The following PRIM2 variants were observed in gnomAD, a reference collection of about 807,000 sequenced individuals.
The protein encoded by PRIM2 is DNA primase subunit 2.
PRIM2 carries 39 observed loss-of-function variants against 67.3 expected under a neutral mutation model. The ratio of observed to expected loss-of-function variants is 0.58; its 90% CI spans 0.45 to 0.76. PRIM2 has a LOEUF of 0.76. Ranked by LOEUF, PRIM2 falls within the 30% of genes least tolerant of loss-of-function variation. The pLI is 0.00. For missense variants in PRIM2, 398 were observed against 598.7 expected (o/e 0.66, Z 3.50); for synonymous variants, 143 against 198.7 (o/e 0.72, Z 2.36).
intron 7 of PRIM2, among the ~76,000 whole-genome samples, chr6:57,389,315 A>T (rs1158396038): frequency 6.6e-6 from 1 of 152,054 alleles, no homozygotes; most frequent in Non-Finnish European, 1.5e-5. Flanking sequence ...GGATATCCCT[A>T]TGTTGCCTGG....
At chr6:57,484,146 T>C (rs1562773389) in intron 7 of PRIM2, among the ~76,000 whole-genome samples, 1 of 152,242 alleles carries the variant, frequency 6.6e-6, no homozygotes, top group East Asian at 1.9e-4. Flanking sequence ...TACTTTATTC[T>C]GCTTATTCAC....
chr6:57,311,597 C>G (rs11962881), upstream of PRIM2, among the ~76,000 whole-genome samples: 35,081 of 152,010 alleles, frequency 0.23, 4,447 homozygotes, highest in East Asian at 0.46. Context: ...GGTGGCCAGG[C>G]AGAGACGCTG....
intron 10 of PRIM2, among the ~76,000 whole-genome samples, chr6:57,556,075 A>C (rs1173078113): frequency 9.4e-4 from 144 of 152,404 alleles, no homozygotes; most frequent in Non-Finnish European, 1.8e-3. Flanking sequence ...ACTTAGGAAT[A>C]CAGCTAACAA....
At chr6:57,258,045 T>C in the PRIM2 span, among the ~76,000 whole-genome samples, 3 of 152,310 alleles carry the variant, frequency 2.0e-5, no homozygotes, top group Admixed American at 6.5e-5. Context: ...GAATGCACTG[T>C]TTTCCTTTTT....
the PRIM2 span, among the ~76,000 whole-genome samples, chr6:57,236,831 T>C: frequency 6.6e-6 from 1 of 152,226 alleles, no homozygotes; most frequent in Non-Finnish European, 1.5e-5. Flanking sequence ...GACATTTGGG[T>C]TGGTTCCAAG....
At chr6:57,511,633 A>G (rs1403031202) in intron 8 of PRIM2, among the ~76,000 whole-genome samples, 5 of 152,072 alleles carry the variant, frequency 3.3e-5, no homozygotes, top group African/African-American at 4.8e-5. Flanking sequence ...ACTGAAATTT[A>G]TTCTTTTTTT....
Position 57,521,828 on chromosome 6 carries a change from G to T in PRIM2, c.762-10583G>T, listed in dbSNP as rs1554348949. On this transcript the variant is annotated intron_variant, in intron 8 of 13. Coordinates refer to ENST00000615550, the MANE Select transcript of PRIM2 (RefSeq NM_000947.5). ...TTTTATATGTTATTGTTTTATGAACGTCAGAAACTCTGTCTGCTGGTGGGG... is the reference window on the plus strand; with the variant it reads ...TTTTATATGTTATTGTTTTATGAACTTCAGAAACTCTGTCTGCTGGTGGGG... 1.3e-3 allele frequency among the ~76,000 whole-genome samples: 193 copies of T among 152,234 alleles called. 5 individuals carry two copies. In the East Asian group the frequency reaches 0.016, roughly 12 times the overall value.
chr6:57,480,701 T>C (rs1272048022), intron 7 of PRIM2, among the ~76,000 whole-genome samples: 2 of 152,204 alleles, frequency 1.3e-5, no homozygotes, highest in African/African-American at 4.8e-5. Flanking sequence ...CGATCTCCGC[T>C]CACTGCAACC....
chr6:57,629,703 C>G (rs1436119762), intron 12 of PRIM2, among the ~76,000 whole-genome samples: 2 of 148,908 alleles, frequency 1.3e-5, no homozygotes, highest in African/African-American at 5.0e-5. Flanking sequence ...CCTTTCCAAT[C>G]TGTTCCCAGC....
In PRIM2 at chr6:57,390,571, CTGT is replaced by C. The variant is rs972223102; in HGVS notation, c.693+8408_693+8410del. 1.8e-3 allele frequency among the ~76,000 whole-genome samples: 280 copies of C among 152,186 alleles called. 5 individuals carry two copies. Among genetic ancestry groups the C allele is most frequent in the Non-Finnish European group, 2.1e-3 (146 of 67,992 alleles). On this transcript the variant is annotated intron_variant, in intron 7 of 13. Transcript: ENST00000615550. ...TCCACCCTCAGGTAGACCCCAGTGTCTGTTGTTCTTTTCTGTGTGTGCAAGAGT... is the reference window on the plus strand; with the variant it reads ...TCCACCCTCAGGTAGACCCCAGTGTCTGTTCTTTTCTGTGTGTGCAAGAGT...
At chr6:57,354,159 C>T (rs1768948623) in intron 5 of PRIM2, among the ~76,000 whole-genome samples, 4 of 152,142 alleles carry the variant, frequency 2.6e-5, no homozygotes, top group African/African-American at 7.2e-5. Context: ...TTTAGCAGTA[C>T]TGAATGGCAA....
chr6:57,569,952 C>T (rs1388676281), intron 10 of PRIM2, among the ~76,000 whole-genome samples: 5 of 152,072 alleles, frequency 3.3e-5, no homozygotes, highest in Non-Finnish European at 5.9e-5. Context: ...CTATGTTAGC[C>T]AGGATGGTCT....
chr6:57,495,498 A>T (rs1369754953), intron 7 of PRIM2, among the ~76,000 whole-genome samples: 9 of 152,214 alleles, frequency 5.9e-5, no homozygotes, highest in Non-Finnish European at 1.3e-4. Flanking sequence ...GTTAACATAA[A>T]CATTAGAGGT....
At chr6:57,610,560 A>G (rs1175334258) in intron 12 of PRIM2, among the ~76,000 whole-genome samples, 1 of 151,964 alleles carries the variant, frequency 6.6e-6, no homozygotes, top group South Asian at 2.1e-4. Context: ...AGAAACAGCA[A>G]TTAAACAACA....
chr6:57,474,046 A>G lies in PRIM2; in HGVS notation c.694-33341A>G, dbSNP rs1274860366. ...GATTTCACATGCTTGAGGAATTTGTAGATATTATCCACCCATTTTTTAAGG... is the reference window on the plus strand; with the variant it reads ...GATTTCACATGCTTGAGGAATTTGTGGATATTATCCACCCATTTTTTAAGG... On this transcript the variant is annotated intron_variant, in intron 7 of 13. Coordinates refer to ENST00000615550, the MANE Select transcript of PRIM2 (RefSeq NM_000947.5). Among the ~76,000 whole-genome samples, 1,236 of 152,160 alleles carry G rather than the reference A, an allele frequency of 8.1e-3. 23 individuals are homozygous for G. The highest frequency in any genetic ancestry group is 0.028 in the African/African-American group (1,178 of 41,502).
At chr6:57,431,775 G>A (rs576290927) in intron 7 of PRIM2, among the ~76,000 whole-genome samples, 9 of 152,236 alleles carry the variant, frequency 5.9e-5, no homozygotes, top group African/African-American at 2.2e-4. Flanking sequence ...TGATATTGTG[G>A]CCTAGGTCTA....
chr6:57,576,368 G>A (rs1303687578), intron 10 of PRIM2, among the ~76,000 whole-genome samples: 1 of 151,802 alleles, frequency 6.6e-6, no homozygotes, highest in Non-Finnish European at 1.5e-5. Context: ...CATTCAAAGG[G>A]GGGATAGTGT....
At chr6:57,360,736 TCAA>T (rs1266062813) in intron 5 of PRIM2, among the ~76,000 whole-genome samples, 12 of 152,218 alleles carry the variant, frequency 7.9e-5, no homozygotes, top group Non-Finnish European at 1.5e-4. Flanking sequence ...AGATACAGCA[TCAA>T]AATTCTCTTT....
intron 12 of PRIM2, among the ~76,000 whole-genome samples, chr6:57,621,858 T>C (rs1162792057): frequency 6.6e-6 from 1 of 152,216 alleles, no homozygotes; most frequent in African/African-American, 2.4e-5. Flanking sequence ...GCATTTCTTG[T>C]TGGGCAGGTC....
Sources: allele counts gnomAD v4.1 joint callset (sites outside exome capture counted in the v4.1 genomes callset), GRCh38; gene constraint gnomAD v4.1.1; transcripts MANE v1.5; gene names NCBI Gene and HGNC (gene_info 2026-07-23, HGNC 2026-07-21).